The following ZHX3 variants were observed in gnomAD, a reference collection of about 807,000 sequenced individuals.
ZHX3 encodes zinc fingers and homeoboxes 3, also known as zinc fingers and homeoboxes protein 3.
In ZHX3, 20 loss-of-function variants were observed where a neutral mutation model predicts 64.5. The observed-to-expected ratio is 0.31, with a 90% confidence interval of 0.22 to 0.45. The LOEUF (loss-of-function observed/expected upper bound fraction) is 0.45. ZHX3 is among the 20% of genes least tolerant of loss of function. The pLI is 1.00. For missense variants in ZHX3, 1,041 were observed against 1,195.8 expected, an observed-to-expected ratio of 0.87 and a Z score of 1.91; for synonymous variants, 423 against 461.6, an observed-to-expected ratio of 0.92 and a Z score of 1.07.
intron 2 of ZHX3, among the ~76,000 whole-genome samples, chr20:41,249,061 T>TATAGGGTATAG (rs1291721893): frequency 6.6e-6 from 1 of 152,240 alleles, no homozygotes; most frequent in African/African-American, 2.4e-5. Context: ...AAATTACCCA[T>TATAGGGTATAG]GACTTCCACT....
chr20:41,240,815 C>G (rs1411123466), intron 2 of ZHX3, among the ~76,000 whole-genome samples: 1 of 152,192 alleles, frequency 6.6e-6, no homozygotes, highest in East Asian at 1.9e-4. Flanking sequence ...ACCTCCAGTT[C>G]TATCCATGTT....
At chr20:41,256,334 C>T (rs1429054144) in intron 2 of ZHX3, among the ~76,000 whole-genome samples, 1 of 150,732 alleles carries the variant, frequency 6.6e-6, no homozygotes, top group Non-Finnish European at 1.5e-5. Context: ...TACCCACTGA[C>T]AGAATAAGAC....
intron 2 of ZHX3, among the ~76,000 whole-genome samples, chr20:41,251,972 T>C (rs2042015071): frequency 6.6e-6 from 1 of 152,208 alleles, no homozygotes. Flanking sequence ...TTTCAGATTA[T>C]CTACAATAAG....
chr20:41,205,001 C>A lies in ZHX3; in HGVS notation c.-85G>T. On this transcript the variant is annotated 5_prime_UTR_variant, in exon 3 of 4. Coordinates refer to ENST00000683867, the MANE Select transcript of ZHX3 (RefSeq NM_001384317.1). Reference sequence around the variant, plus strand: ...CAAGTTCCAGCTTCTCGATGAGGGCCAAAGAAACAGTTTCTAAATGCAGCT... The same window carrying A: ...CAAGTTCCAGCTTCTCGATGAGGGCAAAAGAAACAGTTTCTAAATGCAGCT... The A allele has an allele frequency of 7.1e-7, 1 of 1,412,120 alleles. No individual in the cohort carries two copies. Among genetic ancestry groups the A allele is most frequent in the Non-Finnish European group, 9.2e-7 (1 of 1,081,376 alleles). 87.5% of individuals were successfully genotyped at this position (1,412,120 alleles called of 1,614,324 possible). A position where few individuals can be genotyped will look rare whatever the true frequency, so the allele number is the denominator to read the frequency against.
At chr20:41,220,297 G>C (rs2039846751) in intron 2 of ZHX3, among the ~76,000 whole-genome samples, 1 of 152,228 alleles carries the variant, frequency 6.6e-6, no homozygotes, top group Non-Finnish European at 1.5e-5. Context: ...GTTGAGAAAA[G>C]AGTGTTCTAG....
chr20:41,190,760 C>T (rs954146466), intron 3 of ZHX3, among the ~76,000 whole-genome samples: 7 of 152,166 alleles, frequency 4.6e-5, no homozygotes, highest in African/African-American at 1.7e-4. Context: ...TTTTGCCTGT[C>T]TTGGAAATAC....
intron 3 of ZHX3, among the ~76,000 whole-genome samples, chr20:41,199,629 G>T (rs985643769): frequency 3.3e-5 from 5 of 151,516 alleles, no homozygotes; most frequent in Admixed American, 6.6e-5. Flanking sequence ...CTGCCCAAGG[G>T]CATTGAGACA....
intron 2 of ZHX3, among the ~76,000 whole-genome samples, chr20:41,230,262 T>C (rs553841944): frequency 6.6e-6 from 1 of 152,224 alleles, no homozygotes; most frequent in South Asian, 2.1e-4. Flanking sequence ...ATTGTATTTC[T>C]GTTGGACAGC....
chr20:41,254,198 T>C (rs2042125177), intron 2 of ZHX3, among the ~76,000 whole-genome samples: 1 of 152,114 alleles, frequency 6.6e-6, no homozygotes, highest in South Asian at 2.1e-4. Context: ...ATAAAAATAC[T>C]TGTTAGTTCC....
In ZHX3 at chr20:41,265,493, C is replaced by T. The variant is rs557559053; in HGVS notation, c.-151+3497G>A. ...CTGGGATGACAGGCGTGAGCCACCG[C>T]GCCCGGCCGTTACGATAAATTTAAA... On this transcript the variant is annotated intron_variant, in intron 2 of 3. Transcript: ENST00000683867. Among the ~76,000 whole-genome samples the T allele has an allele frequency of 3.9e-5, 6 of 152,244 alleles. No homozygotes were observed. In the East Asian group the frequency reaches 5.8e-4, roughly 15 times the overall value.
At chr20:41,300,682 C>T (rs1396940217) in intron 1 of ZHX3, among the ~76,000 whole-genome samples, 6 of 152,088 alleles carry the variant, frequency 3.9e-5, no homozygotes, top group Admixed American at 1.3e-4. Flanking sequence ...GCACCTGAGA[C>T]GAAGCTGGAA....
intron 3 of ZHX3, among the ~76,000 whole-genome samples, chr20:41,197,781 C>G (rs1417023042): frequency 1.3e-5 from 2 of 152,072 alleles, no homozygotes; most frequent in Admixed American, 1.3e-4. Context: ...TGATTGTTCA[C>G]AATGTACTGT....
intron 3 of ZHX3, among the ~76,000 whole-genome samples, chr20:41,191,677 T>C (rs1050360996): frequency 3.3e-5 from 5 of 152,248 alleles, no homozygotes; most frequent in Non-Finnish European, 7.3e-5. Flanking sequence ...TTCCTAGACG[T>C]ATCTATGGTG....
rs1290998518 is a variant in ZHX3 at position 41,269,032 on chromosome 20, C to G, written c.-193G>C. On this transcript the variant is annotated 5_prime_UTR_variant, in exon 2 of 4. Transcript: ENST00000683867. Reference sequence around the variant, plus strand: ...GTTTCCCTCTTCACTTTATGCAGTCCCACAAGCATCTCTAAAAGGTCACAT... The same window carrying G: ...GTTTCCCTCTTCACTTTATGCAGTCGCACAAGCATCTCTAAAAGGTCACAT... 4 of 152,106 alleles carry G rather than the reference C, an allele frequency of 2.6e-5. No homozygotes were observed. 9.4% of individuals were successfully genotyped at this position (152,106 alleles called of 1,614,324 possible).
rs762813790 is a variant in ZHX3 at position 41,202,083 on chromosome 20, G to A, written c.2834C>T (p.Ser945Leu). Residue 945 changes from serine (S) to leucine (L), a missense_variant, in exon 3 of 4, where the codon TCG (serine) becomes TTG (leucine). This residue lies in a region of ZHX3 where 649 missense variants were observed against 739.8 expected (regional missense o/e 0.88). Coordinates refer to ENST00000683867, the MANE Select transcript of ZHX3 (RefSeq NM_001384317.1). This position sits in a 1 kb window ranked among gnomAD's most constrained non-coding sequence, Gnocchi z 7.0. ...PEASSEPFDT[S>L]SPQAGRQLET... ...GAGCTGACGTCCAGCCTGGGGACTC[G>A]ATGTGTCAAAGGGCTCTGAGCTGGC... 19 of 1,606,914 alleles carry A rather than the reference G, an allele frequency of 1.2e-5. No individual in the cohort carries two copies. Among genetic ancestry groups the A allele is most frequent in the African/African-American group, 2.7e-5 (2 of 74,886 alleles).
rs895225244 is a variant in ZHX3 at position 41,181,623 on chromosome 20, G to A, written c.*3568C>T. ...GGCCAGTGTCCTTCCTCCATGAAAG[G>A]CAGCCAGGGACAGATGTCCCAGAGC... On this transcript the variant is annotated 3_prime_UTR_variant, in exon 4 of 4. Coordinates refer to ENST00000683867, the MANE Select transcript of ZHX3 (RefSeq NM_001384317.1). The A allele has an allele frequency of 6.6e-6, 1 of 152,250 alleles. No individual in the cohort carries two copies. Among genetic ancestry groups the A allele is most frequent in the African/African-American group, 2.4e-5 (1 of 41,438 alleles). The allele number at this position is 152,250 out of a possible 1,614,324, so 9.4% of individuals were successfully genotyped here. A position where few individuals can be genotyped will look rare whatever the true frequency, so the allele number is the denominator to read the frequency against.
rs1349996500 is a variant in ZHX3, at chr20:41,215,750, C to A, written c.-150-10684G>T. ...GAGATCGAGACCATCCTGGCTAACA[C>A]GGTGAAACCACGTCTCTACTAAAAA... On this transcript the variant is annotated intron_variant, in intron 2 of 3. Coordinates refer to ENST00000683867, the MANE Select transcript of ZHX3 (RefSeq NM_001384317.1). 4.5e-5 allele frequency among the ~76,000 whole-genome samples: 6 copies of A among 134,344 alleles called. No homozygotes were observed. In the Admixed American group the frequency reaches 4.9e-4, roughly 11 times the overall value. 88.1% of individuals were successfully genotyped at this position (134,344 alleles called of 152,430 possible).
At chr20:41,231,116 C>T (rs955667441) in intron 2 of ZHX3, among the ~76,000 whole-genome samples, 4 of 152,188 alleles carry the variant, frequency 2.6e-5, no homozygotes, top group South Asian at 4.1e-4. Context: ...TGGAATCATA[C>T]AGGTATGTAG....
chr20:41,205,236 A>C (rs2038602211), intron 2 of ZHX3, among the ~76,000 whole-genome samples, 170 bp from the exon 3 acceptor site: 1 of 152,154 alleles, frequency 6.6e-6, no homozygotes, highest in Non-Finnish European at 1.5e-5. Flanking sequence ...TAATGACAAA[A>C]ACTGGACCCT....
Sources: allele counts gnomAD v4.1 joint callset (sites outside exome capture counted in the v4.1 genomes callset), GRCh38; gene constraint gnomAD v4.1.1; regional missense constraint gnomAD v4.1.1; non-coding constraint Gnocchi (gnomAD v3.1); transcripts MANE v1.5; gene names NCBI Gene and HGNC (gene_info 2026-07-23, HGNC 2026-07-21).